Variants in UTRN observed in about 807,000 individuals in gnomAD.
UTRN encodes the protein dystrophin-related protein 1.
In UTRN, 283 loss-of-function variants were observed where a neutral mutation model predicts 463.9. The ratio of observed to expected loss-of-function variants is 0.61; its 90% CI spans 0.55 to 0.67. UTRN has a LOEUF of 0.67. UTRN is among the 30% of genes least tolerant of loss of function. The pLI is 0.00. For missense variants in UTRN, 3,922 were observed against 4,084.3 expected, an observed-to-expected ratio of 0.96 and a Z score of 1.08; for synonymous variants, 1,442 against 1,431.5, an observed-to-expected ratio of 1.01 and a Z score of -0.17.
intron 55 of UTRN, among the ~76,000 whole-genome samples, chr6:144,750,240 A>G (rs1791235188): frequency 6.8e-6 from 1 of 146,634 alleles, no homozygotes; most frequent in Admixed American, 7.1e-5. Context: ...CTCTATTACC[A>G]TACAACTGCT....
chr6:144,571,576 G>A (rs1479172301), intron 50 of UTRN, among the ~76,000 whole-genome samples: 1 of 152,156 alleles, frequency 6.6e-6, no homozygotes, highest in African/African-American at 2.4e-5. Flanking sequence ...TACATAGGAA[G>A]TTGCTTAGGG....
At chr6:144,737,270 T>C (rs1359572704) in intron 54 of UTRN, among the ~76,000 whole-genome samples, 1 of 152,214 alleles carries the variant, frequency 6.6e-6, no homozygotes, top group East Asian at 1.9e-4. Context: ...TGCGACTGTA[T>C]GAACTTGATG....
chr6:144,699,082 G>T (rs1784299833), intron 52 of UTRN, among the ~76,000 whole-genome samples: 1 of 152,062 alleles, frequency 6.6e-6, no homozygotes, highest in Non-Finnish European at 1.5e-5. Context: ...CTGCTTTTTG[G>T]TTACAACAGA....
In UTRN at chr6:144,444,235, C is replaced by G. The variant is rs765645301; in HGVS notation, c.1513-46C>G. 7 of 1,437,810 alleles carry G rather than the reference C, an allele frequency of 4.9e-6. No individual in the cohort carries two copies. The East Asian group carries it at 1.2e-4, about 24-fold the overall frequency. The allele number at this position is 1,437,810 out of a possible 1,614,324, so 89.1% of individuals were successfully genotyped here. On this transcript the variant is annotated intron_variant, in intron 13 of 74. Coordinates refer to ENST00000367545, the MANE Select transcript of UTRN (RefSeq NM_007124.3). Reference sequence around the variant, plus strand: ...AATTTCTTCAAGGATTGTGATAACTCTCTCTTAAGGCTGTGTTGACAAAGG... The same window carrying G: ...AATTTCTTCAAGGATTGTGATAACTGTCTCTTAAGGCTGTGTTGACAAAGG...
intron 50 of UTRN, among the ~76,000 whole-genome samples, chr6:144,561,624 TG>T (rs1340582095): frequency 6.6e-6 from 1 of 152,110 alleles, no homozygotes; most frequent in Non-Finnish European, 1.5e-5. Context: ...GTAAGGTATA[TG>T]GGGCAATCCT....
chr6:144,387,669 G>A (rs1224088672), intron 2 of UTRN, among the ~76,000 whole-genome samples: 1 of 152,124 alleles, frequency 6.6e-6, no homozygotes, highest in Non-Finnish European at 1.5e-5. Context: ...TGGACAGGCA[G>A]GTGCAAATAA....
intron 51 of UTRN, among the ~76,000 whole-genome samples, chr6:144,665,238 A>C (rs1330380463): frequency 6.6e-6 from 1 of 152,180 alleles, no homozygotes; most frequent in Non-Finnish European, 1.5e-5. Flanking sequence ...GTTGTTGAAG[A>C]CTTCCTGGTG....
At chr6:144,289,657 AT>A (rs986075307) in intron 1 of UTRN, among the ~76,000 whole-genome samples, 1 of 149,958 alleles carries the variant, frequency 6.7e-6, no homozygotes, top group African/African-American at 2.5e-5. Flanking sequence ...CACTTACTTT[AT>A]TTTTTTTGAG....
At position 144,462,725 on chromosome 6, in the gene UTRN, G is replaced by A; in HGVS notation, c.2925G>A (p.Glu975=). 1 of 1,610,590 alleles carries A rather than the reference G, an allele frequency of 6.2e-7. No homozygotes were observed. Among genetic ancestry groups the A allele is most frequent in the Non-Finnish European group, 8.5e-7 (1 of 1,179,244 alleles). ...TTGCAGAAGAAACAAAGGCTCTGGA[G>A]AAAAATGTTCATCCTGATGTAGAAA... is the stretch of plus-strand genomic sequence containing the variant. ...HKLAEETKAL[E]KNVHPDVEKL... Residue 975 remains glutamate (E), a synonymous_variant, in exon 23 of 75, where the codon GAG becomes GAA. Transcript: ENST00000367545.
chr6:144,745,465 T>A (rs906184608), intron 54 of UTRN, among the ~76,000 whole-genome samples: 3 of 152,204 alleles, frequency 2.0e-5, no homozygotes, highest in African/African-American at 7.2e-5. Context: ...AGATTGTTGC[T>A]GCACTGGGAA....
chr6:144,362,313 C>G (rs559659368), intron 2 of UTRN, among the ~76,000 whole-genome samples: 253 of 152,282 alleles, frequency 1.7e-3, no homozygotes, highest in African/African-American at 5.9e-3. Context: ...ACACCACCCC[C>G]CATCTGCCCA....
chr6:144,332,264 C>T (rs950964233), intron 2 of UTRN, among the ~76,000 whole-genome samples: 33 of 152,286 alleles, frequency 2.2e-4, no homozygotes, highest in African/African-American at 7.5e-4. Context: ...CTGTGCTCTC[C>T]ATATGGGCAG....
intron 52 of UTRN, among the ~76,000 whole-genome samples, chr6:144,695,147 AT>A (rs568248572): frequency 4.6e-5 from 7 of 152,064 alleles, no homozygotes; most frequent in South Asian, 2.1e-4. Context: ...ATTTATCATA[AT>A]TTTTTAAAAA....
At position 144,455,568 on chromosome 6, in the gene UTRN, G is replaced by A. The variant is rs532242197; in HGVS notation, c.2284+1699G>A. On this transcript the variant is annotated intron_variant, in intron 19 of 74. Transcript: ENST00000367545. The stretch of plus-strand genomic sequence containing the variant: ...CTGAATTTACTCCCATTTCTGTCAG[G>A]TTTTCAGCAGTGTGGCAGAATTATG... 2.0e-4 allele frequency among the ~76,000 whole-genome samples: 31 copies of A among 152,302 alleles called. No individual in the cohort carries two copies. In the South Asian group the frequency reaches 6.0e-3, roughly 30 times the overall value.
At chr6:144,288,646 A>G (rs1803910027) in intron 1 of UTRN, among the ~76,000 whole-genome samples, 1 of 152,164 alleles carries the variant, frequency 6.6e-6, no homozygotes, top group Admixed American at 6.5e-5. Context: ...AATAATCCAT[A>G]AATTTTTAGC....
intron 60 of UTRN, among the ~76,000 whole-genome samples, chr6:144,778,394 T>C (rs1775522702): frequency 6.6e-6 from 1 of 152,114 alleles, no homozygotes; most frequent in South Asian, 2.1e-4. Flanking sequence ...AAGAGAATTA[T>C]ATAGCTCTTG....
At chr6:144,412,421 T>C (rs1015991184) in intron 3 of UTRN, among the ~76,000 whole-genome samples, 1 of 152,128 alleles carries the variant, frequency 6.6e-6, no homozygotes, top group African/African-American at 2.4e-5. Flanking sequence ...TATTAAGAAA[T>C]TGAAAAATTA....
At chr6:144,412,762 TACACACAC>T (rs149751810) in intron 3 of UTRN, among the ~76,000 whole-genome samples, 12 of 144,272 alleles carry the variant, frequency 8.3e-5, no homozygotes, top group Non-Finnish European at 1.1e-4. Context: ...ACACACACCA[TACACACAC>T]ACACACACAC....
chr6:144,638,604 C>G (rs187737148), intron 51 of UTRN, among the ~76,000 whole-genome samples: 22 of 152,180 alleles, frequency 1.4e-4, no homozygotes, highest in Admixed American at 3.3e-4. Context: ...ATTTTCTTAG[C>G]AAAAAGTTAG....
Sources: allele counts gnomAD v4.1 joint callset (sites outside exome capture counted in the v4.1 genomes callset), GRCh38; gene constraint gnomAD v4.1.1; transcripts MANE v1.5; gene names NCBI Gene and HGNC (gene_info 2026-07-23, HGNC 2026-07-21).